The following BTD variants were observed in gnomAD, a reference collection of about 807,000 sequenced individuals.
The protein encoded by BTD is biotinidase.
A neutral mutation model predicts 17.7 loss-of-function variants in BTD; 13 were observed. The observed-to-expected ratio is 0.74, with a 90% confidence interval of 0.48 to 1.17. The LOEUF is 1.17. BTD is among the 50% of genes most tolerant of loss of function. The pLI is 0.00. For missense variants in BTD, 674 were observed against 650.4 expected (o/e 1.04, Z -0.39); for synonymous variants, 240 against 245.2 (o/e 0.98, Z 0.20).
downstream of BTD, among the ~76,000 whole-genome samples, chr3:15,654,343 G>T (rs545810180): frequency 2.6e-5 from 4 of 152,228 alleles, no homozygotes; most frequent in Admixed American, 6.5e-5. Flanking sequence ...AGGGGATTAG[G>T]CAGGGGAATA....
chr3:15,704,092 T>C (rs1434523520), intron 3 of BTD, among the ~76,000 whole-genome samples: 1 of 152,180 alleles, frequency 6.6e-6, no homozygotes, highest in Non-Finnish European at 1.5e-5. Flanking sequence ...AAGACAGCCC[T>C]ATACGTATCT....
At chr3:15,706,511 C>T (rs1200868507) in intron 3 of BTD, among the ~76,000 whole-genome samples, 3 of 152,096 alleles carry the variant, frequency 2.0e-5, no homozygotes, top group African/African-American at 7.2e-5. Context: ...TGGGGTGGTT[C>T]CAAGTCTTTG....
At chr3:15,688,812 T>C (rs912188654) in intron 3 of BTD, among the ~76,000 whole-genome samples, 6 of 152,252 alleles carry the variant, frequency 3.9e-5, no homozygotes, top group African/African-American at 1.4e-4. Context: ...ACGTATCTGC[T>C]ACATCATAAT....
chr3:15,711,042 T>C (rs2126059475), exon 4 of BTD, among the ~76,000 whole-genome samples: 1 of 152,226 alleles, frequency 6.6e-6, no homozygotes, highest in East Asian at 1.9e-4. Context: ...TTGGCTGGAA[T>C]AAGATGAAAA....
chr3:15,713,398 G>A, downstream of BTD: 3 of 665,092 alleles, frequency 4.5e-6, no homozygotes, highest in South Asian at 5.9e-5. Flanking sequence ...CAATACAAAA[G>A]AAAGTTCAAG....
chr3:15,718,148 C>T (rs535618460), intron 4 of BTD, among the ~76,000 whole-genome samples: 3 of 152,244 alleles, frequency 2.0e-5, no homozygotes, highest in African/African-American at 7.2e-5. Flanking sequence ...TGAAAACTCA[C>T]AGCTATCAAC....
intron 3 of BTD, chr3:15,679,425 G>T (rs1256380768): frequency 6.2e-7 from 1 of 1,612,398 alleles, no homozygotes; most frequent in Non-Finnish European, 8.5e-7. Context: ...CAGCAATGGT[G>T]TATTTCTTAA....
chr3:15,655,431 T>C (rs115490530), downstream of BTD, among the ~76,000 whole-genome samples: 247 of 152,334 alleles, frequency 1.6e-3, no homozygotes, highest in Non-Finnish European at 2.9e-3. Flanking sequence ...CCCTGAAAAT[T>C]GTTTCAGATC....
intron 3 of BTD, among the ~76,000 whole-genome samples, chr3:15,705,666 T>C (rs999381881): frequency 3.9e-5 from 6 of 152,238 alleles, no homozygotes; most frequent in Admixed American, 3.3e-4. Flanking sequence ...AAACATACTT[T>C]ATATTCTTGC....
chr3:15,617,595 G>C (rs4094397), intron 1 of BTD, among the ~76,000 whole-genome samples: 6,557 of 152,262 alleles, frequency 0.043, 401 homozygotes, highest in African/African-American at 0.14. Flanking sequence ...CTGGTGTGCA[G>C]TGGTACACAC....
At chr3:15,602,215 A>G in intron 1 of BTD, 1 of 1,364,164 alleles carries the variant, frequency 7.3e-7, no homozygotes, top group South Asian at 1.7e-5. Context: ...TGACGCTCAG[A>G]GTCAGTAGAT....
chr3:15,663,963 G>A (rs1404194246), intron 3 of BTD, among the ~76,000 whole-genome samples: 6 of 152,086 alleles, frequency 3.9e-5, no homozygotes, highest in Non-Finnish European at 5.9e-5. Context: ...GTGCAATGGC[G>A]CGATCTCAGC....
Position 15,678,192 on chromosome 3 carries a change from TAAAG to T in BTD, c.400-31865_400-31862del, listed in dbSNP as rs747118401. ...ACACATACTTAGGAAAATACAATTT[TAAAG>T]AAGTTTCTTTACCAACTGTATTTGT... On this transcript the variant is annotated intron_variant, in intron 3 of 3. Transcript: ENST00000672141. 3 of 1,596,814 alleles carry T rather than the reference TAAAG, an allele frequency of 1.9e-6. No homozygotes were observed. The South Asian group carries it at 3.4e-5, about 18-fold the overall frequency.
chr3:15,665,768 C>T lies in BTD; in HGVS notation c.399+23711C>T, dbSNP rs146662085. Among the ~76,000 whole-genome samples the T allele has an allele frequency of 3.6e-3, 543 of 152,324 alleles. 6 individuals carry two copies. The highest frequency in any genetic ancestry group is 0.013 in the African/African-American group (523 of 41,570). On this transcript the variant is annotated intron_variant, in intron 3 of 3. Transcript: ENST00000672141. Reference sequence around the variant, plus strand: ...TGTGATGCACGCAGAAGGCACAAACCATACTTGTGTGGTTGGGCTTGCCTT... The same window carrying T: ...TGTGATGCACGCAGAAGGCACAAACTATACTTGTGTGGTTGGGCTTGCCTT...
intron 4 of BTD, among the ~76,000 whole-genome samples, chr3:15,721,581 A>G (rs2073735229): frequency 6.6e-6 from 1 of 152,198 alleles, no homozygotes; most frequent in Admixed American, 6.5e-5. Context: ...GTAATAAAGT[A>G]CAGATCAAGA....
chr3:15,613,430 C>T (rs907377335), intron 1 of BTD, among the ~76,000 whole-genome samples: 1 of 151,980 alleles, frequency 6.6e-6, no homozygotes, highest in Non-Finnish European at 1.5e-5. Context: ...TTTTCTTCTG[C>T]TTCTTTCCTG....
intron 4 of BTD, chr3:15,721,237 G>C: frequency 1.1e-6 from 1 of 884,516 alleles, no homozygotes; most frequent in Admixed American, 2.3e-5. Context: ...GTGAGAAACG[G>C]AGACAAGATA....
intron 3 of BTD, chr3:15,667,275 A>G (rs1173894329): frequency 6.6e-6 from 1 of 152,386 alleles, no homozygotes; most frequent in East Asian, 1.9e-4. Context: ...TAAAAGGTCC[A>G]ATATAAGCCA....
At chr3:15,686,368 C>T in intron 3 of BTD, 1 of 1,332,924 alleles carries the variant, frequency 7.5e-7, no homozygotes. Context: ...TAGAAAATGT[C>T]CATCTAAAAG....
Sources: allele counts gnomAD v4.1 joint callset (sites outside exome capture counted in the v4.1 genomes callset), GRCh38; gene constraint gnomAD v4.1.1; transcripts MANE v1.5; gene names NCBI Gene and HGNC (gene_info 2026-07-23, HGNC 2026-07-21).